The following DUSP16 variants were observed in gnomAD, a reference collection of about 807,000 sequenced individuals.
The protein encoded by DUSP16 is dual specificity phosphatase 16.
A neutral mutation model predicts 58.3 loss-of-function variants in DUSP16; 21 were observed. That is an observed-to-expected ratio of 0.36 (90% confidence interval 0.26 to 0.52). DUSP16 has a LOEUF of 0.52. Among genes scored for constraint, DUSP16 ranks in the 20% least tolerant of loss-of-function variants. The probability of loss-of-function intolerance (pLI) is 0.94; values close to 1 mark genes in which losing one functional copy is unlikely to be tolerated. For synonymous variants in DUSP16, 320 were observed against 323.8 expected (o/e 0.99, Z 0.12); for missense variants, 726 against 819.0 (o/e 0.89, Z 1.39).
intron 6 of DUSP16, 72 bp from the exon 7 acceptor site, chr12:12,478,087 A>G (rs1465429339): frequency 1.6e-6 from 2 of 1,279,582 alleles, no homozygotes; most frequent in Non-Finnish European, 2.2e-6. Flanking sequence ...TAAGTGAATA[A>G]ATGAGATAGG....
At chr12:12,496,721 C>T (rs1943833113) in intron 4 of DUSP16, among the ~76,000 whole-genome samples, 1 of 152,188 alleles carries the variant, frequency 6.6e-6, no homozygotes, top group Non-Finnish European at 1.5e-5. Context: ...GAGATTCTTT[C>T]TCAAATCCCA....
chr12:12,489,623 G>A (rs1388512319), intron 4 of DUSP16, among the ~76,000 whole-genome samples: 1 of 152,180 alleles, frequency 6.6e-6, no homozygotes, highest in Non-Finnish European at 1.5e-5. Flanking sequence ...AAGTTTCTGA[G>A]AAATGAGGTG....
At chr12:12,503,486 G>GT (rs1234934641) in intron 3 of DUSP16, among the ~76,000 whole-genome samples, 5 of 151,872 alleles carry the variant, frequency 3.3e-5, no homozygotes, top group Admixed American at 1.3e-4. Flanking sequence ...CGGCCTCCCC[G>GT]TTTTTTTGTT....
chr12:12,503,658 C>T (rs75053315), intron 3 of DUSP16, among the ~76,000 whole-genome samples: 2,640 of 152,200 alleles, frequency 0.017, 82 homozygotes, highest in African/African-American at 0.059. Flanking sequence ...AGAGCACTGG[C>T]GTCCTGCAAG....
chr12:12,481,561 C>T (rs1287198829), intron 5 of DUSP16, among the ~76,000 whole-genome samples: 1 of 152,132 alleles, frequency 6.6e-6, no homozygotes, highest in Admixed American at 6.5e-5. Context: ...ACTGCCTATG[C>T]TATAAATATA....
At chr12:12,555,153 A>G (rs11831431) in intron 1 of DUSP16, among the ~76,000 whole-genome samples, 5,185 of 152,312 alleles carry the variant, frequency 0.034, 178 homozygotes, top group East Asian at 0.14. Context: ...GAGCTGTTAC[A>G]CTGTGAGCCG....
At chr12:12,556,235 T>C (rs941100775) in intron 1 of DUSP16, among the ~76,000 whole-genome samples, 1 of 152,190 alleles carries the variant, frequency 6.6e-6, no homozygotes, top group South Asian at 2.1e-4. Context: ...TATCAACACT[T>C]TTTAAAATCC....
At chr12:12,547,753 T>C (rs1485527157) in intron 1 of DUSP16, among the ~76,000 whole-genome samples, 1 of 152,094 alleles carries the variant, frequency 6.6e-6, no homozygotes, top group African/African-American at 2.4e-5. Flanking sequence ...AAAGCTTTGG[T>C]GGAGTGCTAC....
chr12:12,545,463 G>A (rs958117445), intron 1 of DUSP16, among the ~76,000 whole-genome samples: 16 of 123,896 alleles, frequency 1.3e-4, no homozygotes, highest in South Asian at 2.6e-4. Flanking sequence ...TTTTTTTTCC[G>A]TAAAGACAAG....
At chr12:12,478,741 T>C (rs1943506787) in intron 6 of DUSP16, among the ~76,000 whole-genome samples, 1 of 152,204 alleles carries the variant, frequency 6.6e-6, no homozygotes, top group Non-Finnish European at 1.5e-5. Context: ...CAATTTCCAA[T>C]GTCATCCCCT....
At chr12:12,553,079 C>T (rs1459102634) in intron 1 of DUSP16, among the ~76,000 whole-genome samples, 1 of 152,076 alleles carries the variant, frequency 6.6e-6, no homozygotes, top group Non-Finnish European at 1.5e-5. Context: ...CCATGCCTGG[C>T]CTAATGTTTG....
intron 4 of DUSP16, among the ~76,000 whole-genome samples, chr12:12,490,090 A>T (rs1216481933): frequency 2.6e-5 from 4 of 151,862 alleles, no homozygotes; most frequent in Admixed American, 2.6e-4. Context: ...ATTTTTAAAC[A>T]TTTTTTTTGT....
chr12:12,536,746 CA>C (rs532644437), intron 1 of DUSP16, among the ~76,000 whole-genome samples: 2 of 140,096 alleles, frequency 1.4e-5, no homozygotes, highest in East Asian at 2.3e-4. Context: ...AACTCCATCT[CA>C]AAAAAAAAAC....
At chr12:12,491,936 T>TC (rs1199052703) in intron 4 of DUSP16, among the ~76,000 whole-genome samples, 1 of 152,212 alleles carries the variant, frequency 6.6e-6, no homozygotes, top group African/African-American at 2.4e-5. Context: ...CTGTCCTTCA[T>TC]CCCCATGATG....
chr12:12,498,397 T>C (rs1943862172), intron 4 of DUSP16, among the ~76,000 whole-genome samples: 2 of 144,362 alleles, frequency 1.4e-5, no homozygotes, highest in Non-Finnish European at 3.1e-5. Flanking sequence ...ATTTTATTTT[T>C]TATTATTTAT....
At chr12:12,501,356 G>C (rs190335177) in intron 3 of DUSP16, among the ~76,000 whole-genome samples, 1 of 152,290 alleles carries the variant, frequency 6.6e-6, no homozygotes, top group Admixed American at 6.5e-5. Context: ...GGAAGGCTTT[G>C]TGGCAAGATT....
intron 1 of DUSP16, among the ~76,000 whole-genome samples, chr12:12,543,044 C>A (rs1393946882): frequency 6.6e-6 from 1 of 152,168 alleles, no homozygotes; most frequent in Non-Finnish European, 1.5e-5. Flanking sequence ...TGATCTCAGA[C>A]TTTTAGCCTT....
intron 3 of DUSP16, among the ~76,000 whole-genome samples, chr12:12,507,337 C>A (rs1055784195): frequency 2.0e-5 from 3 of 152,182 alleles, no homozygotes; most frequent in Admixed American, 1.3e-4. Context: ...GGCCTTTCCA[C>A]TCATGCCTTC....
At chr12:12,527,649 T>A (rs776360828) in intron 1 of DUSP16, among the ~76,000 whole-genome samples, 2 of 152,152 alleles carry the variant, frequency 1.3e-5, no homozygotes, top group East Asian at 3.8e-4. Flanking sequence ...TAAAACAAAG[T>A]AAAACTACAA....
Sources: allele counts gnomAD v4.1 joint callset (sites outside exome capture counted in the v4.1 genomes callset), GRCh38; gene constraint gnomAD v4.1.1; transcripts MANE v1.5; gene names NCBI Gene and HGNC (gene_info 2026-07-23, HGNC 2026-07-21).